TSHZ2: variants seen among roughly 807,000 people sequenced by gnomAD.
The protein encoded by TSHZ2 is teashirt zinc finger homeobox 2, also known as teashirt homolog 2.
A neutral mutation model predicts 74.4 loss-of-function variants in TSHZ2; 21 were observed. The observed-to-expected ratio is 0.28, with a 90% CI of 0.20 to 0.41. TSHZ2 has a LOEUF of 0.41. TSHZ2 is among the 10% of genes least tolerant of loss of function. The probability of loss-of-function intolerance (pLI) is 1.00; values close to 1 mark genes in which losing one functional copy is unlikely to be tolerated. For synonymous variants in TSHZ2, 540 were observed against 515.3 expected (o/e 1.05, Z -0.65); for missense variants, 1,244 against 1,293.5 (o/e 0.96, Z 0.59).
chr20:53,230,987 A>T (rs1989813200), intron 1 of TSHZ2, among the ~76,000 whole-genome samples: 1 of 152,240 alleles, frequency 6.6e-6, no homozygotes, highest in Non-Finnish European at 1.5e-5. Flanking sequence ...AGGTTTGAAA[A>T]GTCCTCAACT....
intron 1 of TSHZ2, among the ~76,000 whole-genome samples, chr20:53,182,090 C>T (rs932787830): frequency 2.6e-5 from 4 of 151,290 alleles, no homozygotes; most frequent in Non-Finnish European, 5.9e-5. Flanking sequence ...GCCGGCCTGC[C>T]TTCCTTTCCT....
chr20:53,223,775 G>T (rs181923311), intron 1 of TSHZ2, among the ~76,000 whole-genome samples: 1 of 152,088 alleles, frequency 6.6e-6, no homozygotes, highest in Non-Finnish European at 1.5e-5. Context: ...GAAAGAAAGG[G>T]GGAGGTAGCT....
intron 1 of TSHZ2, among the ~76,000 whole-genome samples, chr20:53,218,532 C>T (rs796957388): frequency 5.3e-5 from 8 of 152,204 alleles, no homozygotes; most frequent in African/African-American, 9.6e-5. Flanking sequence ...AAACATCTAC[C>T]GCATTGGTTC....
intron 2 of TSHZ2, among the ~76,000 whole-genome samples, chr20:53,376,059 G>A (rs1600590333): frequency 6.6e-6 from 1 of 152,218 alleles, no homozygotes; most frequent in Admixed American, 6.5e-5. Flanking sequence ...AGTCCTGGGA[G>A]TCAGGGAAGA....
At chr20:53,225,940 T>C (rs1291195033) in intron 1 of TSHZ2, among the ~76,000 whole-genome samples, 1 of 152,228 alleles carries the variant, frequency 6.6e-6, no homozygotes, top group East Asian at 1.9e-4. Context: ...TATGGATGTA[T>C]TTATGTATAA....
chr20:53,458,292 G>C (rs1196258498), intron 2 of TSHZ2, among the ~76,000 whole-genome samples: 2 of 150,944 alleles, frequency 1.3e-5, no homozygotes, highest in African/African-American at 4.9e-5. Flanking sequence ...TCTTGGGAGA[G>C]TGTATGTGTC....
intron 1 of TSHZ2, among the ~76,000 whole-genome samples, chr20:53,008,214 C>A (rs917483203): frequency 1.3e-5 from 2 of 152,082 alleles, no homozygotes; most frequent in Non-Finnish European, 2.9e-5. Context: ...GGAAGAAACA[C>A]TGGATGGAAA....
intron 1 of TSHZ2, among the ~76,000 whole-genome samples, chr20:53,112,990 A>G (rs1466827445): frequency 6.6e-6 from 1 of 152,186 alleles, no homozygotes; most frequent in Non-Finnish European, 1.5e-5. Context: ...GGCACAAGTT[A>G]ACTTGGCAGG....
At chr20:53,038,116 C>T (rs1373592413) in intron 1 of TSHZ2, among the ~76,000 whole-genome samples, 1 of 139,346 alleles carries the variant, frequency 7.2e-6, no homozygotes, top group Non-Finnish European at 1.5e-5. Context: ...CGCTTGAACC[C>T]GGGAGGCGGA....
intron 2 of TSHZ2, among the ~76,000 whole-genome samples, chr20:53,324,531 C>G (rs1359110555): frequency 1.3e-5 from 2 of 152,080 alleles, no homozygotes; most frequent in Non-Finnish European, 2.9e-5. Flanking sequence ...GTATGCATCA[C>G]TATGTCTAAC....
intron 1 of TSHZ2, among the ~76,000 whole-genome samples, chr20:53,054,219 T>C (rs1249676925): frequency 2.0e-5 from 3 of 152,164 alleles, no homozygotes; most frequent in Non-Finnish European, 2.9e-5. Context: ...CGGTCCAACT[T>C]TGTTACAAAG....
chr20:53,317,024 C>A (rs186169351), intron 2 of TSHZ2, among the ~76,000 whole-genome samples: 1 of 152,146 alleles, frequency 6.6e-6, no homozygotes, highest in East Asian at 1.9e-4. Flanking sequence ...AAGCAAATAC[C>A]CCTGAGAGCA....
chr20:53,186,570 TG>T lies in TSHZ2; in HGVS notation c.41-66928del, dbSNP rs1988603669. ...TCACTTTTTCTGAGTGGTCTCAGGT[TG>T]CCATCCTCACCACCTGTATTGTTTT... is the stretch of plus-strand genomic sequence containing the variant. On this transcript the variant is annotated intron_variant, in intron 1 of 2. Coordinates refer to ENST00000371497, the MANE Select transcript of TSHZ2 (RefSeq NM_173485.6). Among the ~76,000 whole-genome samples, 3 of 152,206 alleles carry T rather than the reference TG, an allele frequency of 2.0e-5. No homozygotes were observed. In the South Asian group the frequency reaches 6.2e-4, roughly 32 times the overall value.
intron 1 of TSHZ2, among the ~76,000 whole-genome samples, chr20:53,177,932 CTT>C (rs1988384394): frequency 6.6e-6 from 1 of 152,286 alleles, no homozygotes; most frequent in East Asian, 1.9e-4. Flanking sequence ...TGCTTTGGCT[CTT>C]TGCACAGTGC....
chr20:53,366,049 A>C (rs1394251288), intron 2 of TSHZ2, among the ~76,000 whole-genome samples: 1 of 152,252 alleles, frequency 6.6e-6, no homozygotes, highest in East Asian at 1.9e-4. Flanking sequence ...CTTAGCTTTC[A>C]AACCTTCCAG....
intron 1 of TSHZ2, among the ~76,000 whole-genome samples, chr20:53,080,947 C>A (rs1327254658): frequency 6.6e-6 from 1 of 152,120 alleles, no homozygotes; most frequent in Admixed American, 6.5e-5. Flanking sequence ...TCTTAAGGTC[C>A]CACTGTGTAG....
intron 1 of TSHZ2, among the ~76,000 whole-genome samples, chr20:53,241,225 C>T (rs549377948): frequency 2.0e-5 from 3 of 152,156 alleles, no homozygotes; most frequent in African/African-American, 2.4e-5. Flanking sequence ...TCAAAAATAT[C>T]GAAGACCTAT....
chr20:53,209,234 T>C (rs1261823277), intron 1 of TSHZ2, among the ~76,000 whole-genome samples: 1 of 152,102 alleles, frequency 6.6e-6, no homozygotes, highest in African/African-American at 2.4e-5. Context: ...ATTACAGGCA[T>C]GCGCAACCAT....
chr20:53,219,855 C>T (rs1044839384), intron 1 of TSHZ2, among the ~76,000 whole-genome samples: 2 of 152,172 alleles, frequency 1.3e-5, no homozygotes, highest in African/African-American at 4.8e-5. Flanking sequence ...TATTCTGAGT[C>T]AAACTAAATA....
Sources: allele counts gnomAD v4.1 joint callset (sites outside exome capture counted in the v4.1 genomes callset), GRCh38; gene constraint gnomAD v4.1.1; transcripts MANE v1.5; gene names NCBI Gene and HGNC (gene_info 2026-07-23, HGNC 2026-07-21).